Variants in PNPLA3 observed in about 807,000 individuals in gnomAD.
PNPLA3 encodes 1-acylglycerol-3-phosphate O-acyltransferase PNPLA3.
Under a neutral mutation model 43.1 loss-of-function variants are expected in PNPLA3, and 42 were observed. That is an observed-to-expected ratio of 0.97 (90% CI 0.76 to 1.26). The LOEUF (loss-of-function observed/expected upper bound fraction) is 1.26, where lower values mean the gene tolerates loss of function less well. PNPLA3 is among the 50% of genes most tolerant of loss of function. PNPLA3 has a pLI of 0.00. For missense variants in PNPLA3, 647 were observed against 621.4 expected, an observed-to-expected ratio of 1.04 and a Z score of -0.44; for synonymous variants, 272 against 253.6, an observed-to-expected ratio of 1.07 and a Z score of -0.69.
At chr22:43,934,508 C>A (rs2049982401) in intron 4 of PNPLA3, 98 bp from the exon 5 acceptor site, 2 of 1,257,800 alleles carry the variant, frequency 1.6e-6, no homozygotes, top group Non-Finnish European at 2.3e-6. Context: ...TCAGAGCTTG[C>A]ATGATTCTTT....
chr22:43,935,736 G>A (rs1350267419), intron 5 of PNPLA3, among the ~76,000 whole-genome samples: 3 of 152,112 alleles, frequency 2.0e-5, no homozygotes, highest in Admixed American at 6.6e-5. Context: ...CTGGAGAAGA[G>A]GGGGTCAGGA....
At chr22:43,938,656 A>T (rs2050011521) in intron 6 of PNPLA3, among the ~76,000 whole-genome samples, 1 of 152,236 alleles carries the variant, frequency 6.6e-6, no homozygotes, top group Non-Finnish European at 1.5e-5. Flanking sequence ...CCATGATCCA[A>T]TCACCTCCCA....
chr22:43,928,225 G>A (rs147221801), intron 2 of PNPLA3, among the ~76,000 whole-genome samples: 7 of 152,308 alleles, frequency 4.6e-5, no homozygotes, highest in East Asian at 3.9e-4. Context: ...CCTTGTTTGC[G>A]GAAGCTTTCT....
chr22:43,937,017 C>G (rs201840141), intron 5 of PNPLA3, 34 bp from the exon 6 acceptor site: 513 of 1,579,452 alleles, frequency 3.2e-4, no homozygotes, highest in Admixed American at 9.7e-4. Flanking sequence ...CTCCCACGTT[C>G]GCCTGATGGG....
At chr22:43,924,292 G>A (rs2049906983) in intron 1 of PNPLA3, 194 bp downstream of exon 1, 1 of 682,498 alleles carries the variant, frequency 1.5e-6, no homozygotes, top group Admixed American at 4.2e-5. Context: ...CGGGAAGGGG[G>A]CGTTGGAACC....
intron 1 of PNPLA3, chr22:43,924,347 C>T: frequency 4.1e-6 from 2 of 489,948 alleles, no homozygotes; most frequent in Non-Finnish European, 7.0e-6. Flanking sequence ...GCGTCCCCAC[C>T]CCTACCCCCA....
In PNPLA3 at chr22:43,927,112, C is replaced by A. The variant is rs750290579; in HGVS notation, c.365C>A (p.Ser122Tyr). Residue 122 changes from serine (S) to tyrosine (Y), a missense_variant, in exon 2 of 9, where the codon TCT (serine) becomes TAT (tyrosine). By Grantham distance (144) the Ser-to-Tyr change is moderately radical (BLOSUM62 -2). Coordinates refer to ENST00000216180, the MANE Select transcript of PNPLA3 (RefSeq NM_025225.3). ...ATAGGCATCTCTCTTACCAGAGTGT[C>A]TGATGGGGAAAACGTTCTGGTGTCT... ...GKIGISLTRV[S>Y]DGENVLVSDF... 1.2e-6 allele frequency: 2 copies of A among 1,614,250 alleles called. No individual in the cohort carries two copies. The highest frequency in any genetic ancestry group is 2.2e-5 in the South Asian group (2 of 91,082).
At chr22:43,935,791 C>T (rs1174288117) in intron 5 of PNPLA3, among the ~76,000 whole-genome samples, 2 of 151,730 alleles carry the variant, frequency 1.3e-5, no homozygotes, top group Admixed American at 6.6e-5. Flanking sequence ...CTTTTGGATA[C>T]AGGGGGATTG....
At chr22:43,941,158 A>AC (rs1014600967) in intron 7 of PNPLA3, among the ~76,000 whole-genome samples, 8 of 151,604 alleles carry the variant, frequency 5.3e-5, no homozygotes, top group Non-Finnish European at 1.0e-4. Flanking sequence ...CAAAAAAAAA[A>AC]AAAAAAAAAA....
intron 6 of PNPLA3, among the ~76,000 whole-genome samples, chr22:43,939,620 G>C (rs2050018190): frequency 6.6e-6 from 1 of 152,150 alleles, no homozygotes; most frequent in South Asian, 2.1e-4. Flanking sequence ...TTCAAGACCA[G>C]CCTGGCCAAC....
chr22:43,941,028 A>G (rs570504932), intron 7 of PNPLA3, among the ~76,000 whole-genome samples: 2 of 151,154 alleles, frequency 1.3e-5, no homozygotes, highest in South Asian at 2.1e-4. Flanking sequence ...AATCCCAGCT[A>G]CTCCGGAGGC....
At chr22:43,937,305 C>T in intron 6 of PNPLA3, 33 bp downstream of exon 6, 1 of 1,591,424 alleles carries the variant, frequency 6.3e-7, no homozygotes, top group Admixed American at 1.7e-5. Context: ...ACGGGCAGCA[C>T]CTTGTTTTCT....
At chr22:43,929,151 C>T (rs1002764366) in intron 3 of PNPLA3, among the ~76,000 whole-genome samples, 9 of 152,192 alleles carry the variant, frequency 5.9e-5, no homozygotes, top group Non-Finnish European at 1.2e-4. Context: ...GCACCTTAAG[C>T]ATCAGATAGC....
chr22:43,931,482 T>C (rs375250123), intron 3 of PNPLA3, among the ~76,000 whole-genome samples: 6 of 152,302 alleles, frequency 3.9e-5, no homozygotes, highest in East Asian at 1.9e-4. Context: ...TCCAGATTCC[T>C]AGCATTTCAT....
intron 1 of PNPLA3, among the ~76,000 whole-genome samples, chr22:43,924,589 C>T (rs969506435): frequency 1.3e-5 from 2 of 152,090 alleles, no homozygotes; most frequent in African/African-American, 2.4e-5. Context: ...ACGGTGGGCT[C>T]CTTCCCTCTG....
chr22:43,944,918 G>A, intron 8 of PNPLA3, 123 bp downstream of exon 8: 1 of 837,006 alleles, frequency 1.2e-6, no homozygotes, highest in East Asian at 2.5e-5. Flanking sequence ...TTGGGTGTGG[G>A]GACCCTGTCT....
chr22:43,945,978 G>C (rs1046453765), intron 8 of PNPLA3, among the ~76,000 whole-genome samples, 176 bp from the exon 9 acceptor site: 21 of 152,202 alleles, frequency 1.4e-4, no homozygotes, highest in Non-Finnish European at 1.5e-5. Flanking sequence ...GGAAGACCTA[G>C]GTGGTGACAT....
chr22:43,942,706 T>TTTC (rs1305297361), intron 7 of PNPLA3, among the ~76,000 whole-genome samples: 1 of 144,998 alleles, frequency 6.9e-6, no homozygotes, highest in East Asian at 2.1e-4. Context: ...TTTTTCTTTT[T>TTTC]TTTTTTTTTT....
intron 5 of PNPLA3, 140 bp downstream of exon 5, chr22:43,934,806 C>A: frequency 1.3e-6 from 1 of 782,528 alleles, no homozygotes; most frequent in Non-Finnish European, 2.1e-6. Context: ...CTCATGAGCC[C>A]AGGAGATAGG....
Sources: gnomAD v4.1 joint callset for allele counts (sites outside exome capture counted in the v4.1 genomes callset) on GRCh38, gnomAD v4.1.1 for gene constraint, MANE v1.5 for transcripts, NCBI Gene and HGNC (gene_info 2026-07-23, HGNC 2026-07-21) for gene names.